LIN28B: variants seen among roughly 807,000 people sequenced by gnomAD.
LIN28B encodes the protein protein lin-28 homolog B.
In LIN28B, 5 loss-of-function variants were observed where a neutral mutation model predicts 21.9. The observed-to-expected ratio is 0.23, with a 90% confidence interval of 0.12 to 0.48. The LOEUF (loss-of-function observed/expected upper bound fraction) is 0.48, where lower values mean the gene tolerates loss of function less well. Among genes scored for constraint, LIN28B ranks in the 20% least tolerant of loss-of-function variants. The pLI is 0.98. For synonymous variants in LIN28B, 109 were observed against 111.3 expected, an observed-to-expected ratio of 0.98 and a Z score of 0.13; for missense variants, 245 against 310.5, an observed-to-expected ratio of 0.79 and a Z score of 1.58.
chr6:105,071,076 T>G (rs906914477), intron 3 of LIN28B, among the ~76,000 whole-genome samples: 1 of 152,110 alleles, frequency 6.6e-6, no homozygotes, highest in Non-Finnish European at 1.5e-5. Flanking sequence ...GGAGTTTCAC[T>G]GTGTTGGCCT....
At chr6:104,963,003 T>C (rs1347450901) in intron 2 of LIN28B, among the ~76,000 whole-genome samples, 1 of 152,192 alleles carries the variant, frequency 6.6e-6, no homozygotes, top group Non-Finnish European at 1.5e-5. Context: ...TCAAGCTGAG[T>C]GCTTTAAGGC....
chr6:104,977,734 A>G (rs1304518262), intron 2 of LIN28B, among the ~76,000 whole-genome samples: 7 of 151,910 alleles, frequency 4.6e-5, no homozygotes, highest in Admixed American at 1.3e-4. Flanking sequence ...TGCCTGGCTA[A>G]TTTTTGTATT....
intron 2 of LIN28B, among the ~76,000 whole-genome samples, chr6:104,974,779 C>T (rs758428721): frequency 6.6e-6 from 1 of 151,546 alleles, no homozygotes; most frequent in Non-Finnish European, 1.5e-5. Context: ...ATAAAACTTA[C>T]GTTTTATGGA....
rs557253775 is a variant in LIN28B at position 104,994,097 on chromosome 6, C to T, written c.199-32201C>T. ...TCGGCTCACTGCAAGCTCCGCCTTC[C>T]AGGTTCATGCCATTCTCCTGCCTCA... On this transcript the variant is annotated intron_variant, in intron 2 of 3. Coordinates refer to ENST00000345080, the MANE Select transcript of LIN28B (RefSeq NM_001004317.4). Among the ~76,000 whole-genome samples, 21 of 152,194 alleles carry T rather than the reference C, an allele frequency of 1.4e-4. No homozygotes were observed. In the South Asian group the frequency reaches 3.7e-3, roughly 27 times the overall value.
chr6:105,047,830 G>A (rs1342592189), intron 3 of LIN28B, among the ~76,000 whole-genome samples: 1 of 152,078 alleles, frequency 6.6e-6, no homozygotes, highest in African/African-American at 2.4e-5. Context: ...GTCTGTTATT[G>A]GTGTATAAGA....
intron 2 of LIN28B, among the ~76,000 whole-genome samples, chr6:104,969,379 T>C (rs1350912481): frequency 6.6e-6 from 1 of 152,156 alleles, no homozygotes. Flanking sequence ...TCAGAACTAT[T>C]CATTGCTTAT....
intron 2 of LIN28B, among the ~76,000 whole-genome samples, chr6:104,966,636 T>TTTTTTTG (rs1177138535): frequency 6.6e-6 from 1 of 150,696 alleles, no homozygotes; most frequent in African/African-American, 2.4e-5. Flanking sequence ...TTTTTTTTTT[T>TTTTTTTG]TTTGAGACAG....
intron 3 of LIN28B, among the ~76,000 whole-genome samples, chr6:105,058,403 A>G (rs2114397219): frequency 6.6e-6 from 1 of 152,126 alleles, no homozygotes; most frequent in East Asian, 1.9e-4. Flanking sequence ...GTGGGACAGG[A>G]TCTCCTGTTA....
chr6:104,951,437 C>A (rs917882881), intron 3 of LIN28B, among the ~76,000 whole-genome samples: 2 of 151,958 alleles, frequency 1.3e-5, no homozygotes, highest in Non-Finnish European at 2.9e-5. Context: ...GGGTGATACT[C>A]TAATATCATG....
At chr6:104,949,199 A>G (rs917238660) in intron 2 of LIN28B, among the ~76,000 whole-genome samples, 6 of 152,232 alleles carry the variant, frequency 3.9e-5, no homozygotes, top group African/African-American at 1.4e-4. Flanking sequence ...TTTATGTACA[A>G]TAATTAAATA....
At chr6:105,017,710 T>G (rs1182735868) in intron 2 of LIN28B, among the ~76,000 whole-genome samples, 10 of 150,510 alleles carry the variant, frequency 6.6e-5, no homozygotes. Flanking sequence ...GACATAAATA[T>G]GGCAACAATA....
intron 2 of LIN28B, among the ~76,000 whole-genome samples, chr6:105,024,164 A>G (rs1201061438): frequency 6.6e-6 from 1 of 151,720 alleles, no homozygotes; most frequent in East Asian, 1.9e-4. Context: ...AATTTTTTGT[A>G]TTTTTTTAGT....
chr6:105,015,857 A>T (rs533131523), intron 2 of LIN28B, among the ~76,000 whole-genome samples: 2 of 152,280 alleles, frequency 1.3e-5, no homozygotes, highest in South Asian at 4.1e-4. Flanking sequence ...TGTGTTATTA[A>T]AATTTCACAT....
intron 2 of LIN28B, among the ~76,000 whole-genome samples, chr6:105,002,166 A>G (rs931939494): frequency 2.2e-4 from 21 of 95,994 alleles, no homozygotes; most frequent in Non-Finnish European, 4.4e-4. Flanking sequence ...ATTCTCTGGT[A>G]TTTTTTTTTT....
chr6:105,048,360 G>A (rs878957721), intron 3 of LIN28B, among the ~76,000 whole-genome samples: 4 of 152,256 alleles, frequency 2.6e-5, no homozygotes, highest in Middle Eastern at 3.4e-3. Context: ...TGCATCCCAG[G>A]GATGAAGCCC....
chr6:104,984,707 A>C (rs550066930), intron 2 of LIN28B, among the ~76,000 whole-genome samples: 4 of 152,108 alleles, frequency 2.6e-5, no homozygotes, highest in Non-Finnish European at 5.9e-5. Context: ...AAGTAGTATA[A>C]TTTTTAAATG....
intron 2 of LIN28B, among the ~76,000 whole-genome samples, chr6:104,991,818 C>A (rs1770487635): frequency 1.3e-5 from 2 of 152,164 alleles, no homozygotes; most frequent in Admixed American, 1.3e-4. Context: ...GGAGACCAGC[C>A]CGGCCAACAC....
intron 2 of LIN28B, among the ~76,000 whole-genome samples, chr6:104,986,418 G>A (rs1336473065): frequency 2.6e-5 from 4 of 151,666 alleles, no homozygotes; most frequent in Non-Finnish European, 5.9e-5. Flanking sequence ...TTACTTTATA[G>A]TAAGACAGCA....
intron 2 of LIN28B, among the ~76,000 whole-genome samples, chr6:104,979,576 TTTTC>T (rs1188259624): frequency 6.6e-6 from 1 of 151,830 alleles, no homozygotes; most frequent in Non-Finnish European, 1.5e-5. Flanking sequence ...CTTTGGTATA[TTTTC>T]TTTTTCTTGT....
Sources: allele counts gnomAD v4.1 joint callset (sites outside exome capture counted in the v4.1 genomes callset), GRCh38; gene constraint gnomAD v4.1.1; transcripts MANE v1.5; gene names NCBI Gene and HGNC (gene_info 2026-07-23, HGNC 2026-07-21).